The following ARRDC5 variants were observed in gnomAD, a reference collection of about 807,000 sequenced individuals.
ARRDC5 encodes arrestin domain containing 5, also known as arrestin domain-containing protein 5.
ARRDC5 carries 12 observed loss-of-function variants against 13.3 expected under a neutral mutation model. That is an observed-to-expected ratio of 0.90 (90% CI 0.58 to 1.46). The LOEUF is 1.46. Ranked by LOEUF, ARRDC5 falls within the 40% of genes most tolerant of loss-of-function variation. The pLI is 0.00. For synonymous variants in ARRDC5, 181 were observed against 173.4 expected, an observed-to-expected ratio of 1.04 and a Z score of -0.34; for missense variants, 406 against 418.7, an observed-to-expected ratio of 0.97 and a Z score of 0.26.
the ARRDC5 span, among the ~76,000 whole-genome samples, chr19:4,914,778 C>T: frequency 2.0e-5 from 3 of 152,060 alleles, no homozygotes; most frequent in Non-Finnish European, 2.9e-5. Flanking sequence ...GCCCGCGACT[C>T]GCCAGCTCCC....
intron 2 of ARRDC5, among the ~76,000 whole-genome samples, chr19:4,892,433 T>C (rs2031545501): frequency 6.7e-6 from 1 of 149,858 alleles, no homozygotes; most frequent in African/African-American, 2.5e-5. Context: ...GGTGCACTCA[T>C]GGCTCACTGC....
At chr19:4,903,720 C>G (rs980813032), upstream of ARRDC5, 1 of 152,166 alleles carries the variant, frequency 6.6e-6, no homozygotes, top group African/African-American at 2.4e-5. Context: ...CCAGGCTGGT[C>G]TCGAACTTGT....
chr19:4,911,631 G>A, the ARRDC5 span, among the ~76,000 whole-genome samples: 1 of 152,152 alleles, frequency 6.6e-6, no homozygotes, highest in African/African-American at 2.4e-5. Context: ...ACCGACCCTC[G>A]TCTCTTTCTC....
At chr19:4,910,721 G>A in the ARRDC5 span, 1 of 780,858 alleles carries the variant, frequency 1.3e-6, no homozygotes, top group Non-Finnish European at 1.9e-6. Flanking sequence ...GTCTGGTCCT[G>A]GCCAGGGTCT....
the ARRDC5 span, among the ~76,000 whole-genome samples, chr19:4,915,737 C>A: frequency 3.6e-4 from 54 of 151,962 alleles, no homozygotes; most frequent in Non-Finnish European, 6.8e-4. Context: ...AAAAACAAAA[C>A]CAAAACAAAA....
chr19:4,904,328 G>A (rs568220325), upstream of ARRDC5, among the ~76,000 whole-genome samples: 1 of 152,050 alleles, frequency 6.6e-6, no homozygotes, highest in Admixed American at 6.6e-5. Flanking sequence ...ACAGGCGTCC[G>A]CCACAAATGC....
upstream of ARRDC5, chr19:4,903,308 G>A (rs545510713): frequency 2.1e-3 from 344 of 161,450 alleles, 1 homozygote; most frequent in Middle Eastern, 6.5e-3. Flanking sequence ...GTGAGCCACT[G>A]CACCTGGGCT....
At chr19:4,912,826 C>A in the ARRDC5 span, among the ~76,000 whole-genome samples, 31 of 152,256 alleles carry the variant, frequency 2.0e-4, 1 homozygote, top group African/African-American at 7.2e-4. Flanking sequence ...GTGGCACGAT[C>A]ACAGCTCACT....
intron 2 of ARRDC5, among the ~76,000 whole-genome samples, chr19:4,892,500 G>A (rs1041192570): frequency 1.3e-5 from 2 of 151,226 alleles, no homozygotes; most frequent in Non-Finnish European, 2.9e-5. Context: ...AAGTAGCAGG[G>A]ACCACAGGCA....
chr19:4,894,510 C>CAAA lies in ARRDC5; in HGVS notation c.459+2158_459+2160dup, dbSNP rs575777769. Among the ~76,000 whole-genome samples the CAAA allele has an allele frequency of 3.7e-4, 10 of 27,230 alleles. 1 individual carries two copies. The highest frequency in any genetic ancestry group is 2.4e-3 in the South Asian group (2 of 818). The allele number at this position is 27,230 out of a possible 152,430, so 17.9% of individuals were successfully genotyped here. A position where few individuals can be genotyped will look rare whatever the true frequency, so the allele number is the denominator to read the frequency against. ...TGGGCGACAGAGCGAGACTCCGTCT[C>CAAA]AAAAAAAAAAAAAAAAAAAAAAAAT... is the stretch of plus-strand genomic sequence containing the variant. On this transcript the variant is annotated intron_variant, in intron 2 of 2. Coordinates refer to ENST00000650722, the MANE Select transcript of ARRDC5 (RefSeq NM_001080523.3).
chr19:4,900,774 C>T (rs954621379), intron 1 of ARRDC5, among the ~76,000 whole-genome samples: 11 of 152,266 alleles, frequency 7.2e-5, no homozygotes, highest in Non-Finnish European at 1.2e-4. Context: ...AATCCCAGCA[C>T]TTTGGGAGGC....
chr19:4,893,752 A>G lies in ARRDC5; in HGVS notation c.460-2179T>C, dbSNP rs1455205440. On this transcript the variant is annotated intron_variant, in intron 2 of 2. Coordinates refer to ENST00000650722, the MANE Select transcript of ARRDC5 (RefSeq NM_001080523.3). ...AAAAAAAAAAAAAAAAAAAAAAACC[A>G]AAAAGGAAGGCCGGGTGCGGTGGCT... Among the ~76,000 whole-genome samples, 9 of 147,148 alleles carry G rather than the reference A, an allele frequency of 6.1e-5. No homozygotes were observed. In the East Asian group the frequency reaches 1.8e-3, roughly 29 times the overall value.
chr19:4,894,339 G>A (rs1487159837), intron 2 of ARRDC5, among the ~76,000 whole-genome samples: 4 of 150,450 alleles, frequency 2.7e-5, no homozygotes, highest in South Asian at 2.1e-4. Context: ...GTGAAACCCC[G>A]TCTCTACTAA....
At chr19:4,912,155 G>T in the ARRDC5 span, among the ~76,000 whole-genome samples, 2 of 152,140 alleles carry the variant, frequency 1.3e-5, no homozygotes, top group Non-Finnish European at 2.9e-5. Flanking sequence ...GAGTTAACCC[G>T]CCCTGCCCCG....
chr19:4,914,406 T>TC, the ARRDC5 span, among the ~76,000 whole-genome samples: 1 of 152,188 alleles, frequency 6.6e-6, no homozygotes, highest in South Asian at 2.1e-4. Flanking sequence ...TCTTTTTTTT[T>TC]CCCTGTTTAA....
the ARRDC5 span, chr19:4,909,236 C>T: frequency 5.8e-6 from 3 of 513,552 alleles, no homozygotes; most frequent in Admixed American, 4.2e-5. Context: ...GTCCCCAAGG[C>T]TCCTGGGGTG....
chr19:4,906,766 A>AAAAAAG (rs2032072055), upstream of ARRDC5, among the ~76,000 whole-genome samples: 2 of 152,122 alleles, frequency 1.3e-5, no homozygotes, highest in South Asian at 4.1e-4. Context: ...AAGAAAAAGA[A>AAAAAAG]AAAAAGAAAA....
At chr19:4,910,281 G>T in the ARRDC5 span, 73 of 150,422 alleles carry the variant, frequency 4.9e-4, no homozygotes, top group African/African-American at 1.6e-3. Context: ...GCGGGTGGCC[G>T]GGACGGGGCG....
the ARRDC5 span, among the ~76,000 whole-genome samples, chr19:4,913,157 CAT>C: frequency 6.6e-6 from 1 of 151,480 alleles, no homozygotes; most frequent in Non-Finnish European, 1.5e-5. Context: ...TCATTTGTAA[CAT>C]AATACTTGAG....
Sources: gnomAD v4.1 joint callset for allele counts (sites outside exome capture counted in the v4.1 genomes callset) on GRCh38, gnomAD v4.1.1 for gene constraint, MANE v1.5 for transcripts, NCBI Gene and HGNC (gene_info 2026-07-23, HGNC 2026-07-21) for gene names.